Variants in ASTN2 observed in about 807,000 individuals in gnomAD.
ASTN2 encodes the protein astrotactin-2.
In ASTN2, 54 loss-of-function variants were observed where a neutral mutation model predicts 139.8. The observed-to-expected ratio is 0.39, with a 90% CI of 0.31 to 0.48. ASTN2 has a LOEUF of 0.48. Ranked by LOEUF, ASTN2 falls within the 20% of genes least tolerant of loss-of-function variation. The pLI is 0.95. For synonymous variants in ASTN2, 756 were observed against 719.5 expected (o/e 1.05, Z -0.81); for missense variants, 1,565 against 1,725.1 (o/e 0.91, Z 1.64).
chr9:116,727,054 A>ACC (rs1828647570), intron 15 of ASTN2, among the ~76,000 whole-genome samples: 1 of 138,342 alleles, frequency 7.2e-6, no homozygotes, highest in African/African-American at 2.6e-5. Context: ...ACACACACAC[A>ACC]CCTGAAATGG....
At chr9:116,959,390 T>C (rs1178752968) in intron 10 of ASTN2, among the ~76,000 whole-genome samples, 1 of 151,890 alleles carries the variant, frequency 6.6e-6, no homozygotes, top group African/African-American at 2.4e-5. Flanking sequence ...CAGGGCTGAG[T>C]CCTCAAGGGC....
At chr9:117,085,055 A>G (rs1298824194) in intron 5 of ASTN2, among the ~76,000 whole-genome samples, 1 of 152,170 alleles carries the variant, frequency 6.6e-6, no homozygotes, top group Non-Finnish European at 1.5e-5. Context: ...CCAGCCTCCT[A>G]TGCAGGCCCT....
At chr9:117,254,682 A>T (rs531734814) in intron 2 of ASTN2, among the ~76,000 whole-genome samples, 1 of 152,232 alleles carries the variant, frequency 6.6e-6, no homozygotes, top group African/African-American at 2.4e-5. Context: ...GTATATATGT[A>T]TGTAATTAAC....
At chr9:116,430,598 C>T (rs1221308396) in intron 22 of ASTN2, among the ~76,000 whole-genome samples, 2 of 152,204 alleles carry the variant, frequency 1.3e-5, no homozygotes, top group Non-Finnish European at 2.9e-5. Context: ...GGGCAAGTCA[C>T]TTCACCTCCC....
At chr9:116,783,760 A>G (rs1830286117) in intron 13 of ASTN2, among the ~76,000 whole-genome samples, 1 of 152,142 alleles carries the variant, frequency 6.6e-6, no homozygotes, top group Admixed American at 6.5e-5. Flanking sequence ...AGGGCAGTAC[A>G]GGGTGTAAAG....
intron 5 of ASTN2, among the ~76,000 whole-genome samples, chr9:117,049,338 A>T (rs1313986699): frequency 2.0e-5 from 3 of 152,150 alleles, no homozygotes; most frequent in Non-Finnish European, 2.9e-5. Context: ...CCAAGTATAT[A>T]TCTGGTATTA....
intron 3 of ASTN2, among the ~76,000 whole-genome samples, chr9:117,174,902 T>C (rs1457573272): frequency 6.6e-6 from 1 of 152,060 alleles, no homozygotes; most frequent in African/African-American, 2.4e-5. Context: ...TTTATTTTCT[T>C]TAAAGTAAAG....
chr9:116,681,792 T>C (rs936718296), intron 16 of ASTN2, among the ~76,000 whole-genome samples: 1 of 152,072 alleles, frequency 6.6e-6, no homozygotes, highest in Admixed American at 6.6e-5. Context: ...CCCTATTTAA[T>C]AAATGGTGCT....
chr9:117,027,864 T>G (rs1838134387), intron 6 of ASTN2, among the ~76,000 whole-genome samples: 2 of 152,192 alleles, frequency 1.3e-5, no homozygotes, highest in African/African-American at 4.8e-5. Flanking sequence ...TGGCTATTGT[T>G]ATGCCACTCT....
intron 16 of ASTN2, among the ~76,000 whole-genome samples, chr9:116,709,852 C>T (rs1180372288): frequency 2.6e-5 from 4 of 152,172 alleles, no homozygotes; most frequent in Non-Finnish European, 5.9e-5. Context: ...TTTCACCTCC[C>T]TTACCAGCCT....
intron 1 of ASTN2, among the ~76,000 whole-genome samples, chr9:117,379,933 A>C (rs887490547): frequency 1.3e-5 from 2 of 152,158 alleles, no homozygotes; most frequent in Non-Finnish European, 2.9e-5. Context: ...CATATTTTTT[A>C]AAATAGTACT....
intron 13 of ASTN2, among the ~76,000 whole-genome samples, chr9:116,747,024 C>G (rs1829257520): frequency 6.6e-6 from 1 of 152,208 alleles, no homozygotes; most frequent in Non-Finnish European, 1.5e-5. Flanking sequence ...GGGGCCTAGT[C>G]ACTGCCTTAT....
chr9:117,286,790 C>T (rs1294381262), intron 2 of ASTN2, among the ~76,000 whole-genome samples: 2 of 152,220 alleles, frequency 1.3e-5, no homozygotes, highest in East Asian at 3.8e-4. Context: ...ATGTTTTGTG[C>T]ACCTGGAGTG....
intron 17 of ASTN2, among the ~76,000 whole-genome samples, 167 bp from the exon 18 acceptor site, chr9:116,620,610 C>T (rs1856091558): frequency 6.6e-6 from 1 of 152,150 alleles, no homozygotes; most frequent in Non-Finnish European, 1.5e-5. Flanking sequence ...ATCAGGGTCT[C>T]CCATCCTGAG....
At chr9:117,324,772 C>A (rs1485057146) in intron 1 of ASTN2, among the ~76,000 whole-genome samples, 1 of 152,100 alleles carries the variant, frequency 6.6e-6, no homozygotes, top group Non-Finnish European at 1.5e-5. Context: ...CTGAAGCATG[C>A]CAGACCTCCC....
At chr9:116,499,786 T>C (rs1230997620) in intron 19 of ASTN2, among the ~76,000 whole-genome samples, 1 of 152,146 alleles carries the variant, frequency 6.6e-6, no homozygotes, top group South Asian at 2.1e-4. Context: ...AGCAATCCCA[T>C]GAGGCCACTG....
chr9:116,610,432 C>A (rs2131796671), intron 19 of ASTN2, among the ~76,000 whole-genome samples: 1 of 152,166 alleles, frequency 6.6e-6, no homozygotes. Flanking sequence ...TGGCGAAACC[C>A]CATCTCTACT....
intron 6 of ASTN2, among the ~76,000 whole-genome samples, chr9:117,032,724 T>C (rs1177034534): frequency 1.3e-5 from 2 of 152,130 alleles, no homozygotes; most frequent in Non-Finnish European, 2.9e-5. Context: ...AGCAAATAAA[T>C]GTAGACAAGT....
At chr9:116,546,469 G>C (rs1426604086) in intron 19 of ASTN2, 2 of 152,138 alleles carry the variant, frequency 1.3e-5, no homozygotes, top group Non-Finnish European at 2.9e-5. Context: ...TGAGTCAGGG[G>C]CTATGAGTTC....
Sources: allele counts gnomAD v4.1 joint callset (sites outside exome capture counted in the v4.1 genomes callset), GRCh38; gene constraint gnomAD v4.1.1; transcripts MANE v1.5; gene names NCBI Gene and HGNC (gene_info 2026-07-23, HGNC 2026-07-21).